CTSH: variants seen among roughly 807,000 people sequenced by gnomAD.
CTSH encodes pro-cathepsin H.
A neutral mutation model predicts 56.3 loss-of-function variants in CTSH; 52 were observed. That is an observed-to-expected ratio of 0.92 (90% confidence interval 0.74 to 1.16). The LOEUF (loss-of-function observed/expected upper bound fraction) is 1.16, where lower values mean the gene tolerates loss of function less well. CTSH is among the 50% of genes most tolerant of loss of function. The pLI is 0.00. For synonymous variants in CTSH, 174 were observed against 155.7 expected, an observed-to-expected ratio of 1.12 and a Z score of -0.88; for missense variants, 406 against 424.5, an observed-to-expected ratio of 0.96 and a Z score of 0.38.
chr15:78,924,268 ATGAGG>A (rs2054850869), intron 10 of CTSH, among the ~76,000 whole-genome samples: 1 of 152,154 alleles, frequency 6.6e-6, no homozygotes, highest in Non-Finnish European at 1.5e-5. Flanking sequence ...GGACCAGATC[ATGAGG>A]GTCCCCCTCA....
intron 3 of CTSH, among the ~76,000 whole-genome samples, chr15:78,936,291 C>G (rs1204687187): frequency 6.6e-6 from 1 of 151,030 alleles, no homozygotes; most frequent in East Asian, 2.0e-4. Context: ...AAGCGATTCT[C>G]CTGCCTCAGC....
At chr15:78,932,501 C>T (rs757862648) in intron 5 of CTSH, 43 bp from the exon 6 acceptor site, 83 of 1,465,984 alleles carry the variant, frequency 5.7e-5, no homozygotes, top group South Asian at 2.5e-4. Flanking sequence ...GTGATGGGGA[C>T]GCCGTGAGAC....
At chr15:78,922,892 C>G (rs1041603436) in intron 11 of CTSH, 101 bp downstream of exon 11, 1 of 1,422,780 alleles carries the variant, frequency 7.0e-7, no homozygotes, top group African/African-American at 1.5e-5. Flanking sequence ...CTGACCAGCT[C>G]GTCTGTGGAA....
At chr15:78,932,264 C>G in intron 6 of CTSH, 108 bp downstream of exon 6, 10 of 1,025,002 alleles carry the variant, frequency 9.8e-6, no homozygotes, top group Non-Finnish European at 1.5e-5. Context: ...CTGGGTCCAC[C>G]TGAAACAGCA....
intron 1 of CTSH, among the ~76,000 whole-genome samples, chr15:78,942,500 C>T (rs971887061): frequency 6.6e-6 from 1 of 152,084 alleles, no homozygotes; most frequent in Non-Finnish European, 1.5e-5. Flanking sequence ...GGCGTGAGCC[C>T]CCACGCCTGG....
Position 78,921,874 on chromosome 15 carries a change from GT to G in CTSH, c.*255del. On this transcript the variant is annotated 3_prime_UTR_variant, in exon 12 of 12. Coordinates refer to ENST00000220166, the MANE Select transcript of CTSH (RefSeq NM_004390.5). ...GCCCTTCTGGACAGAAAGAATATTC[GT>G]GGTCCATGTGGTTTGAGTCTGTTAA... is the stretch of plus-strand genomic sequence containing the variant. The G allele has an allele frequency of 1.9e-6, 1 of 513,658 alleles. No homozygotes were observed. The highest frequency in any genetic ancestry group is 3.5e-6 in the Non-Finnish European group (1 of 287,894). 31.8% of individuals were successfully genotyped at this position (513,658 alleles called of 1,614,324 possible). A position where few individuals can be genotyped will look rare whatever the true frequency, so the allele number is the denominator to read the frequency against.
At chr15:78,931,010 C>T (rs943682311) in intron 7 of CTSH, among the ~76,000 whole-genome samples, 4 of 152,204 alleles carry the variant, frequency 2.6e-5, no homozygotes, top group Non-Finnish European at 4.4e-5. Flanking sequence ...ACAGCCCTTA[C>T]ACACAGCCAC....
intron 8 of CTSH, among the ~76,000 whole-genome samples, chr15:78,928,564 CAAAAAAAAAAA>C (rs869261525): frequency 4.6e-5 from 3 of 65,880 alleles, no homozygotes; most frequent in Non-Finnish European, 6.1e-5. Flanking sequence ...GACTCCGTCT[CAAAAAAAAAAA>C]AAAAAAAAAA....
chr15:78,929,845 T>A (rs1024512786), intron 7 of CTSH, among the ~76,000 whole-genome samples: 6 of 152,148 alleles, frequency 3.9e-5, no homozygotes, highest in African/African-American at 1.4e-4. Flanking sequence ...CAGGCATGAC[T>A]CCCTGACCCC....
chr15:78,931,714 C>T lies in CTSH; in HGVS notation c.493-208G>A. On this transcript the variant is annotated intron_variant, in intron 6 of 11. Coordinates refer to ENST00000220166, the MANE Select transcript of CTSH (RefSeq NM_004390.5). ...CAGCTGGCACATGTCGGGAGGGGCT[C>T]AGTAAGCAGGGGCAGCCAGGGAAGG... is the stretch of plus-strand genomic sequence containing the variant. 6 of 1,445,302 alleles carry T rather than the reference C, an allele frequency of 4.2e-6. No homozygotes were observed. In the South Asian group the frequency reaches 8.6e-5, roughly 21 times the overall value. The allele number at this position is 1,445,302 out of a possible 1,614,324, so 89.5% of individuals were successfully genotyped here.
At position 78,929,393 on chromosome 15, in the gene CTSH, T is replaced by G. The variant is rs769911103; in HGVS notation, c.630+19A>C. 3.1e-6 allele frequency: 5 copies of G among 1,595,052 alleles called. No individual in the cohort carries two copies. The highest frequency in any genetic ancestry group is 1.7e-4 in the Middle Eastern group (1 of 6,016). Reference sequence around the variant, plus strand: ...CATGCTGTACGCCAAGAAGACAGAGTGGAGGCTGTTGGAGTTACCTTGCCC... The same window carrying G: ...CATGCTGTACGCCAAGAAGACAGAGGGGAGGCTGTTGGAGTTACCTTGCCC... On this transcript the variant is annotated intron_variant, in intron 8 of 11. Coordinates refer to ENST00000220166, the MANE Select transcript of CTSH (RefSeq NM_004390.5).
intron 11 of CTSH, 87 bp downstream of exon 11, chr15:78,922,906 G>GT (rs956520962): frequency 2.0e-6 from 3 of 1,487,162 alleles, no homozygotes; most frequent in Non-Finnish European, 1.8e-6. Context: ...TGTGGAAGCC[G>GT]TAACTCTGAG....
chr15:78,939,022 C>T, intron 2 of CTSH, 118 bp downstream of exon 2: 3 of 894,446 alleles, frequency 3.4e-6, no homozygotes, highest in Non-Finnish European at 1.8e-6. Flanking sequence ...CTGGAAAGAC[C>T]CCACTAGGCA....
In CTSH at chr15:78,921,879, C is replaced by T. The variant is rs558041847; in HGVS notation, c.*251G>A. 5 of 526,854 alleles carry T rather than the reference C, an allele frequency of 9.5e-6. No homozygotes were observed. The East Asian group carries it at 1.6e-4, about 17-fold the overall frequency. The allele number at this position is 526,854 out of a possible 1,614,324, so 32.6% of individuals were successfully genotyped here. ...TCTGGACAGAAAGAATATTCGTGGT[C>T]CATGTGGTTTGAGTCTGTTAAGAAG... On this transcript the variant is annotated 3_prime_UTR_variant, in exon 12 of 12. Transcript: ENST00000220166.
intron 1 of CTSH, 181 bp downstream of exon 1, chr15:78,944,710 C>T: frequency 8.2e-6 from 10 of 1,220,216 alleles, no homozygotes; most frequent in Non-Finnish European, 1.1e-5. Flanking sequence ...GCCCACCCTC[C>T]GAGAACCCCC....
intron 6 of CTSH, 112 bp from the exon 7 acceptor site, chr15:78,931,618 G>A (rs1029971583): frequency 1.9e-6 from 3 of 1,575,266 alleles, no homozygotes; most frequent in Admixed American, 1.8e-5. Context: ...TCAGTGCTGT[G>A]TCAAGGTGAC....
intron 8 of CTSH, among the ~76,000 whole-genome samples, chr15:78,928,811 AGCAGGCTGGCG>A (rs1412403145): frequency 2.6e-5 from 4 of 152,154 alleles, no homozygotes; most frequent in African/African-American, 9.7e-5. Context: ...TGTGGTGGTC[AGCAGGCTGGCG>A]GCAGGGTGGG....
At chr15:78,930,622 T>C (rs926907207) in intron 7 of CTSH, among the ~76,000 whole-genome samples, 4 of 152,184 alleles carry the variant, frequency 2.6e-5, no homozygotes, top group Non-Finnish European at 5.9e-5. Context: ...ACTCTTGTTA[T>C]GGGTTGGGTT....
intron 6 of CTSH, 116 bp downstream of exon 6, chr15:78,932,256 G>T: frequency 1.1e-6 from 1 of 934,160 alleles, no homozygotes; most frequent in Non-Finnish European, 1.7e-6. Flanking sequence ...TGGGGCATCT[G>T]GGTCCACCTG....
Sources: allele counts gnomAD v4.1 joint callset (sites outside exome capture counted in the v4.1 genomes callset), GRCh38; gene constraint gnomAD v4.1.1; transcripts MANE v1.5; gene names NCBI Gene and HGNC (gene_info 2026-07-23, HGNC 2026-07-21).